Variants in SUSD6 observed in about 807,000 individuals in gnomAD.
SUSD6 encodes the protein sushi domain-containing protein 6.
Under a neutral mutation model 28.4 loss-of-function variants are expected in SUSD6, and 16 were observed. The observed-to-expected ratio is 0.56, with a 90% CI of 0.38 to 0.86. The LOEUF is 0.86. Ranked by LOEUF, SUSD6 falls within the 40% of genes least tolerant of loss-of-function variation. The pLI is 0.00. For synonymous variants in SUSD6, 147 were observed against 159.6 expected, an observed-to-expected ratio of 0.92 and a Z score of 0.59; for missense variants, 341 against 384.2, an observed-to-expected ratio of 0.89 and a Z score of 0.94.
intron 1 of SUSD6, among the ~76,000 whole-genome samples, chr14:69,624,182 T>C (rs1358616244): frequency 6.6e-6 from 1 of 152,238 alleles, no homozygotes; most frequent in African/African-American, 2.4e-5. Context: ...AGATACACAA[T>C]TACCATCATG....
chr14:69,638,905 G>A (rs889152942), intron 1 of SUSD6, among the ~76,000 whole-genome samples: 4 of 152,168 alleles, frequency 2.6e-5, no homozygotes, highest in African/African-American at 9.7e-5. Context: ...CTAAGCTGCT[G>A]GCTTCTCTGA....
intron 2 of SUSD6, among the ~76,000 whole-genome samples, chr14:69,700,425 G>A (rs975465565): frequency 2.2e-4 from 33 of 152,084 alleles, no homozygotes; most frequent in Non-Finnish European, 1.5e-4. Flanking sequence ...ACCTTCAGCG[G>A]CTCCCCCTTT....
At chr14:69,616,774 T>C (rs922044486) in intron 1 of SUSD6, among the ~76,000 whole-genome samples, 1 of 152,196 alleles carries the variant, frequency 6.6e-6, no homozygotes, top group South Asian at 2.1e-4. Flanking sequence ...GTAGTACCTG[T>C]ACATTCAGCT....
intron 2 of SUSD6, among the ~76,000 whole-genome samples, chr14:69,699,424 G>A (rs1178206901): frequency 1.3e-5 from 2 of 151,946 alleles, no homozygotes; most frequent in African/African-American, 4.8e-5. Flanking sequence ...CGCTGGTCTC[G>A]AACTCCTGAC....
At chr14:69,678,404 A>G (rs1017327163) in intron 2 of SUSD6, among the ~76,000 whole-genome samples, 3 of 151,496 alleles carry the variant, frequency 2.0e-5, no homozygotes, top group Non-Finnish European at 4.4e-5. Context: ...TGTTGCAATT[A>G]TTTGCAGTGA....
chr14:69,632,790 G>C (rs1018274763), intron 1 of SUSD6, among the ~76,000 whole-genome samples: 3 of 152,062 alleles, frequency 2.0e-5, no homozygotes, highest in African/African-American at 7.2e-5. Context: ...TGAAGATAAT[G>C]ACACCGTCTG....
At chr14:69,674,278 T>G (rs762853947) in intron 2 of SUSD6, among the ~76,000 whole-genome samples, 5 of 152,132 alleles carry the variant, frequency 3.3e-5, no homozygotes, top group Non-Finnish European at 7.4e-5. Context: ...CCTGGCACAG[T>G]GTGTGGCTCA....
At chr14:69,651,810 A>G (rs1457921738) in intron 1 of SUSD6, among the ~76,000 whole-genome samples, 3 of 152,216 alleles carry the variant, frequency 2.0e-5, no homozygotes, top group East Asian at 3.8e-4. Context: ...GTTGCAGGGA[A>G]GAAAGAGAGG....
rs989259708 is a variant in SUSD6, at chr14:69,670,444, A to G, written c.121+11731A>G. On this transcript the variant is annotated intron_variant, in intron 2 of 5. Transcript: ENST00000342745. Reference sequence around the variant, plus strand: ...GGAATACTCATTAGGGGGTCTCCTGACTCAGCTTGAATTGGTCATGGAAGG... The same window carrying G: ...GGAATACTCATTAGGGGGTCTCCTGGCTCAGCTTGAATTGGTCATGGAAGG... 1.3e-5 allele frequency: 6 copies of G among 456,714 alleles called. No individual in the cohort carries two copies. In the Admixed American group the frequency reaches 1.4e-4, roughly 11 times the overall value. 28.3% of individuals were successfully genotyped at this position (456,714 alleles called of 1,614,324 possible).
At position 69,640,346 on chromosome 14, in the gene SUSD6, T is replaced by C. The variant is rs115932908; in HGVS notation, c.-80-18167T>C. ...ACACACATATAATATATAATATATA[T>C]ATTTGGAGACAAGATCTTACTCTGT... On this transcript the variant is annotated intron_variant, in intron 1 of 5. Coordinates refer to ENST00000342745, the MANE Select transcript of SUSD6 (RefSeq NM_014734.4). Among the ~76,000 whole-genome samples, 1,281 of 152,062 alleles carry C rather than the reference T, an allele frequency of 8.4e-3. 12 individuals carry two copies. Among genetic ancestry groups the C allele is most frequent in the African/African-American group, 0.029 (1,217 of 41,456 alleles).
intron 2 of SUSD6, among the ~76,000 whole-genome samples, chr14:69,698,398 C>T (rs1886257646): frequency 6.6e-6 from 1 of 152,134 alleles, no homozygotes; most frequent in Admixed American, 6.6e-5. Context: ...AACCCTAATC[C>T]CTTTGAGGCT....
At chr14:69,671,970 A>G (rs1885839510) in intron 2 of SUSD6, among the ~76,000 whole-genome samples, 1 of 152,216 alleles carries the variant, frequency 6.6e-6, no homozygotes, top group African/African-American at 2.4e-5. Flanking sequence ...AATAGGATTA[A>G]GTGAGATAAT....
intron 1 of SUSD6, among the ~76,000 whole-genome samples, chr14:69,638,725 T>C (rs534787755): frequency 5.3e-5 from 8 of 152,334 alleles, no homozygotes; most frequent in African/African-American, 1.9e-4. Context: ...GACCATACTT[T>C]GAATAGTAAG....
intron 1 of SUSD6, among the ~76,000 whole-genome samples, chr14:69,656,932 A>G (rs2139613628): frequency 6.6e-6 from 1 of 152,226 alleles, no homozygotes; most frequent in East Asian, 1.9e-4. Context: ...CCTGTTCTAC[A>G]GTTTTAAAGG....
intron 2 of SUSD6, among the ~76,000 whole-genome samples, chr14:69,662,813 T>G (rs1885682636): frequency 2.0e-5 from 3 of 152,220 alleles, no homozygotes. Context: ...TTGTGTCTTT[T>G]GCAAAACAGA....
intron 2 of SUSD6, among the ~76,000 whole-genome samples, chr14:69,698,859 A>AT (rs1006461179): frequency 2.0e-4 from 30 of 152,108 alleles, no homozygotes; most frequent in South Asian, 1.2e-3. Context: ...TAATTCATTG[A>AT]TTTTTTTTCC....
At chr14:69,614,417 C>T (rs1884929251) in intron 1 of SUSD6, among the ~76,000 whole-genome samples, 1 of 152,200 alleles carries the variant, frequency 6.6e-6, no homozygotes, top group African/African-American at 2.4e-5. Flanking sequence ...GGATGTCCTC[C>T]TTTGCTCTTT....
Position 69,680,243 on chromosome 14 carries a change from A to C in SUSD6, c.121+21530A>C, listed in dbSNP as rs191182707. Among the ~76,000 whole-genome samples the C allele has an allele frequency of 2.1e-4, 32 of 152,264 alleles. No individual in the cohort carries two copies. The East Asian group carries it at 5.2e-3, about 25-fold the overall frequency. ...CCACATGCCCCAGTTTCCACTGGAT[A>C]CTTGAGTTTCTGTCAAGGCATCAGT... On this transcript the variant is annotated intron_variant, in intron 2 of 5. Transcript: ENST00000342745.
intron 1 of SUSD6, among the ~76,000 whole-genome samples, chr14:69,629,745 C>T (rs1203460409): frequency 6.6e-6 from 1 of 152,218 alleles, no homozygotes; most frequent in Non-Finnish European, 1.5e-5. Flanking sequence ...GCTGTGTTTA[C>T]AGCACAACCA....
Sources: allele counts gnomAD v4.1 joint callset (sites outside exome capture counted in the v4.1 genomes callset), GRCh38; gene constraint gnomAD v4.1.1; transcripts MANE v1.5; gene names NCBI Gene and HGNC (gene_info 2026-07-23, HGNC 2026-07-21).